The following ABCB9 variants were observed in gnomAD, a reference collection of about 807,000 sequenced individuals.
ABCB9 encodes the protein ATP binding cassette subfamily B member 9.
In ABCB9, 36 loss-of-function variants were observed where a neutral mutation model predicts 62.0. The observed-to-expected ratio is 0.58, with a 90% CI of 0.45 to 0.77. The LOEUF (loss-of-function observed/expected upper bound fraction) is 0.77. Ranked by LOEUF, ABCB9 falls within the 30% of genes least tolerant of loss-of-function variation. ABCB9 has a pLI of 0.00. For missense variants in ABCB9, 943 were observed against 1,054.7 expected, an observed-to-expected ratio of 0.89 and a Z score of 1.47; for synonymous variants, 435 against 461.4, an observed-to-expected ratio of 0.94 and a Z score of 0.73.
downstream of ABCB9, among the ~76,000 whole-genome samples, chr12:122,920,532 C>T (rs2034722943): frequency 1.3e-5 from 2 of 152,134 alleles, no homozygotes; most frequent in African/African-American, 4.8e-5. Flanking sequence ...TACTTAACCT[C>T]ATTTTTCTTT....
chr12:122,929,825 C>A lies in ABCB9; in HGVS notation c.*86G>T, dbSNP rs1434784438. The A allele has an allele frequency of 6.9e-7, 1 of 1,444,806 alleles. No homozygotes were observed. The highest frequency in any genetic ancestry group is 9.1e-7 in the Non-Finnish European group (1 of 1,101,234). 89.5% of individuals were successfully genotyped at this position (1,444,806 alleles called of 1,614,324 possible). ...TCTTTCAGTGCTGCAGGCCTGGGCT[C>A]GGAGGGCAGCTGGGGGCCTCCGTGG... is the stretch of plus-strand genomic sequence containing the variant. On this transcript the variant is annotated 3_prime_UTR_variant, in exon 12 of 12. Transcript: ENST00000280560. The surrounding 1 kb of genome is among the most constrained non-coding windows in gnomAD (Gnocchi z 6.0).
intron 2 of ABCB9, among the ~76,000 whole-genome samples, chr12:122,955,468 C>A (rs2036571027): frequency 6.6e-6 from 1 of 152,204 alleles, no homozygotes. Context: ...GTGAGCCCAT[C>A]TCTGTGCCAG....
At chr12:122,945,947 A>T in intron 6 of ABCB9, 78 bp downstream of exon 6, 1 of 1,369,880 alleles carries the variant, frequency 7.3e-7, no homozygotes, top group African/African-American at 1.4e-5. Flanking sequence ...TGCAGGACTG[A>T]TGTCCTAGAT....
chr12:122,950,822 G>A, intron 2 of ABCB9: 4 of 425,290 alleles, frequency 9.4e-6, no homozygotes, highest in Non-Finnish European at 1.3e-5. Flanking sequence ...ACCAGGCATC[G>A]AGCCAGGGCT....
chr12:122,937,885 G>T (rs556605379), intron 9 of ABCB9, among the ~76,000 whole-genome samples: 1 of 152,300 alleles, frequency 6.6e-6, no homozygotes, highest in African/African-American at 2.4e-5. Context: ...CTGCTCTTAG[G>T]CCAGCACAGG....
In ABCB9 at chr12:122,947,766, ATGGCATCACAGCGGG is replaced by A; in HGVS notation, c.1053+843_1053+857del. On this transcript the variant is annotated intron_variant, in intron 5 of 11. Coordinates refer to ENST00000280560, the MANE Select transcript of ABCB9 (RefSeq NM_019625.4). This position sits in a 1 kb window ranked among gnomAD's most constrained non-coding sequence, Gnocchi z 6.0. ...ATGATGGCATCACAGCGGGCCCGCGATGGCATCACAGCGGGCCCGCACCACCCCCACATACACACC... is the reference window on the plus strand; with the variant it reads ...ATGATGGCATCACAGCGGGCCCGCGACCCGCACCACCCCCACATACACACC... The A allele has an allele frequency of 6.3e-6, 1 of 157,654 alleles. No homozygotes were observed. The highest frequency in any genetic ancestry group is 8.1e-5 in the South Asian group (1 of 12,302). 9.8% of individuals were successfully genotyped at this position (157,654 alleles called of 1,614,324 possible).
chr12:122,949,196 T>G, intron 4 of ABCB9: 1 of 186,026 alleles, frequency 5.4e-6, no homozygotes. Context: ...AATAACAACC[T>G]GGCTGGTGGC....
intron 1 of ABCB9, among the ~76,000 whole-genome samples, chr12:122,963,594 C>T (rs914399709): frequency 1.3e-5 from 2 of 152,044 alleles, no homozygotes; most frequent in African/African-American, 2.4e-5. Flanking sequence ...GAACCCTGGC[C>T]GTCCAGTTCC....
In ABCB9 at chr12:122,930,362, G is replaced by A. The variant is rs1188743254; in HGVS notation, c.2041-191C>T. On this transcript the variant is annotated intron_variant, in intron 11 of 11. Transcript: ENST00000280560. This position sits in a 1 kb window ranked among gnomAD's most constrained non-coding sequence, Gnocchi z 4.9. ...ACAATGAGGCACCTGGTGAATGGGG[G>A]ATCAGCTCTACCCTGGCCCTCCAGT... 6.6e-6 allele frequency among the ~76,000 whole-genome samples: 1 copy of A among 151,800 alleles called. No individual in the cohort carries two copies. Among genetic ancestry groups the A allele is most frequent in the African/African-American group, 2.4e-5 (1 of 41,320 alleles).
downstream of ABCB9, among the ~76,000 whole-genome samples, chr12:122,918,911 A>G (rs73230014): frequency 0.025 from 3,757 of 152,162 alleles, 74 homozygotes; most frequent in South Asian, 0.048. Flanking sequence ...CTCCCTCCCC[A>G]TGCCCTGGTA....
At position 122,932,369 on chromosome 12, in the gene ABCB9, G is replaced by A. The variant is rs2035224648; in HGVS notation, c.1904-41C>T. The stretch of plus-strand genomic sequence containing the variant: ...ACAGAGACAATTTAGCAATGGGTGA[G>A]GCCGGGCAGCACCGGGGAAGAGTGA... On this transcript the variant is annotated intron_variant, in intron 10 of 11. Transcript: ENST00000280560. The surrounding 1 kb of genome is among the most constrained non-coding windows in gnomAD (Gnocchi z 4.7). The A allele has an allele frequency of 1.3e-6, 2 of 1,529,284 alleles. No individual in the cohort carries two copies. Among genetic ancestry groups the A allele is most frequent in the Non-Finnish European group, 1.8e-6 (2 of 1,132,472 alleles). 94.7% of individuals were successfully genotyped at this position (1,529,284 alleles called of 1,614,324 possible).
chr12:122,971,460 T>C (rs2037270266), upstream of ABCB9, among the ~76,000 whole-genome samples: 1 of 152,088 alleles, frequency 6.6e-6, no homozygotes, highest in Admixed American at 6.6e-5. Context: ...ATTTAATTTT[T>C]AATGATTTTT....
chr12:122,942,150 G>A (rs1200527254), intron 7 of ABCB9, among the ~76,000 whole-genome samples: 1 of 152,132 alleles, frequency 6.6e-6, no homozygotes, highest in East Asian at 1.9e-4. Flanking sequence ...AAGTGGCAGA[G>A]CCAGGATTTG....
intron 10 of ABCB9, among the ~76,000 whole-genome samples, chr12:122,934,921 GCCT>G (rs909870646): frequency 1.2e-4 from 18 of 151,764 alleles, no homozygotes; most frequent in Admixed American, 1.1e-3. Context: ...ATGGAGAGCT[GCCT>G]CCTCCTCTGC....
chr12:122,921,709 G>A (rs562872491), intron 11 of ABCB9, among the ~76,000 whole-genome samples: 2 of 152,162 alleles, frequency 1.3e-5, no homozygotes, highest in African/African-American at 2.4e-5. Context: ...TATGGGAGGC[G>A]GGGTTTGCAG....
chr12:122,974,950 T>G, exon 1 of ABCB9: 1 of 268,358 alleles, frequency 3.7e-6, no homozygotes, highest in East Asian at 6.8e-5. Flanking sequence ...GCCTTGGGGC[T>G]CCGAGTCCCT....
chr12:122,946,435 T>G lies in ABCB9; in HGVS notation c.1054-213A>C, dbSNP rs1480565916. ...AGGTAGTCAACTCCAGAGAGGCTCT[T>G]GGGGCAATGGTTTCAGCTCCTGAAG... On this transcript the variant is annotated intron_variant, in intron 5 of 11. Transcript: ENST00000280560. 3 of 589,928 alleles carry G rather than the reference T, an allele frequency of 5.1e-6. No individual in the cohort carries two copies. In the African/African-American group the frequency reaches 5.6e-5, roughly 11 times the overall value. The allele number at this position is 589,928 out of a possible 1,614,324, so 36.5% of individuals were successfully genotyped here. A position where few individuals can be genotyped will look rare whatever the true frequency, so the allele number is the denominator to read the frequency against.
At position 122,930,118 on chromosome 12, in the gene ABCB9, C is replaced by A. The variant is rs781428831; in HGVS notation, c.2094G>T (p.Ala698=). ...NLQKHTVLII[A]HRLSTVEHAH... ...CGTGCTCCACGGTGCTCAGCCGGTG[C>A]GCGATGATGAGTACCGTGTGCTTCT... The change falls in exon 12 of 12, where the codon GCG becomes GCT. Residue 698 remains alanine, a synonymous_variant. Coordinates refer to ENST00000280560, the MANE Select transcript of ABCB9 (RefSeq NM_019625.4). This position sits in a 1 kb window ranked among gnomAD's most constrained non-coding sequence, Gnocchi z 4.9. The A allele has an allele frequency of 6.4e-7, 1 of 1,555,152 alleles. No individual in the cohort carries two copies. Among genetic ancestry groups the A allele is most frequent in the South Asian group, 1.2e-5 (1 of 84,234 alleles).
rs1295661028 is a variant in ABCB9, at chr12:122,941,038, C to A, written c.1381-43G>T. On this transcript the variant is annotated intron_variant, in intron 7 of 11. Coordinates refer to ENST00000280560, the MANE Select transcript of ABCB9 (RefSeq NM_019625.4). ...GCGTTCCTGTCCCACCGATACCCGA[C>A]TCCTGGGACCCACCCCTGCTACTAG... is the stretch of plus-strand genomic sequence containing the variant. 4 of 1,521,332 alleles carry A rather than the reference C, an allele frequency of 2.6e-6. No homozygotes were observed. The Admixed American group carries it at 5.9e-5, about 22-fold the overall frequency. 94.2% of individuals were successfully genotyped at this position (1,521,332 alleles called of 1,614,324 possible).
Sources: gnomAD v4.1 joint callset for allele counts (sites outside exome capture counted in the v4.1 genomes callset) on GRCh38, gnomAD v4.1.1 for gene constraint, Gnocchi (gnomAD v3.1) non-coding constraint, MANE v1.5 for transcripts, NCBI Gene and HGNC (gene_info 2026-07-23, HGNC 2026-07-21) for gene names.